WWOX: variants seen among roughly 807,000 people sequenced by gnomAD.
WWOX encodes the protein WW domain containing oxidoreductase, also known as WW domain-containing oxidoreductase.
In WWOX, 69 loss-of-function variants were observed where a neutral mutation model predicts 46.2. The observed-to-expected ratio is 1.49, with a 90% CI of 1.23 to 1.82. The LOEUF (loss-of-function observed/expected upper bound fraction) is 1.82. Among genes scored for constraint, WWOX ranks in the 40% most tolerant of loss-of-function variants. The probability of loss-of-function intolerance (pLI) is 0.00; values close to 1 mark genes in which losing one functional copy is unlikely to be tolerated. For missense variants in WWOX, 919 were observed against 542.6 expected, an observed-to-expected ratio of 1.69 and a Z score of -6.89; for synonymous variants, 359 against 202.6, an observed-to-expected ratio of 1.77 and a Z score of -6.56.
rs929174831 is a variant in WWOX, at chr16:79,022,884, C to T, written c.1057-188724C>T. On this transcript the variant is annotated intron_variant, in intron 8 of 8. Coordinates refer to ENST00000566780, the MANE Select transcript of WWOX (RefSeq NM_016373.4). ...ACTTTCTGGCTTTGTGACCTTTCTG[C>T]AGGTTACTTCTCTCCCCTGAGCATC... 1.5e-4 allele frequency among the ~76,000 whole-genome samples: 23 copies of T among 152,170 alleles called. 1 individual carries two copies. Among genetic ancestry groups the T allele is most frequent in the Admixed American group, 1.5e-3 (23 of 15,274 alleles).
intron 8 of WWOX, among the ~76,000 whole-genome samples, chr16:78,814,658 G>A (rs900803308): frequency 1.3e-5 from 2 of 152,162 alleles, no homozygotes; most frequent in African/African-American, 4.8e-5. Flanking sequence ...CTTAGACCTG[G>A]GAGAAACCAG....
intron 8 of WWOX, among the ~76,000 whole-genome samples, chr16:78,657,439 A>C (rs1442708792): frequency 1.3e-5 from 2 of 152,120 alleles, no homozygotes; most frequent in African/African-American, 4.8e-5. Context: ...AATATTGGAC[A>C]AGCTTGTCAG....
At chr16:78,696,130 G>A (rs2048093551) in intron 8 of WWOX, among the ~76,000 whole-genome samples, 1 of 152,200 alleles carries the variant, frequency 6.6e-6, no homozygotes, top group South Asian at 2.1e-4. Flanking sequence ...AAGCCACTAG[G>A]GGTGGGAATC....
intron 8 of WWOX, among the ~76,000 whole-genome samples, chr16:78,781,611 T>A (rs564260118): frequency 7.2e-5 from 11 of 152,314 alleles, no homozygotes; most frequent in African/African-American, 2.4e-4. Flanking sequence ...CCAAAAGTTA[T>A]TCAGTGTTTT....
intron 8 of WWOX, among the ~76,000 whole-genome samples, chr16:79,022,372 G>T (rs1351561782): frequency 1.5e-5 from 2 of 132,714 alleles, no homozygotes; most frequent in South Asian, 2.4e-4. Context: ...AAAAAGTCCC[G>T]CTTGTTATCA....
At chr16:78,375,031 C>A (rs1035413218) in intron 5 of WWOX, among the ~76,000 whole-genome samples, 3 of 152,170 alleles carry the variant, frequency 2.0e-5, no homozygotes, top group African/African-American at 7.2e-5. Flanking sequence ...CCATAAACCA[C>A]TGCGAGGCAG....
chr16:78,184,740 C>T (rs1417697678), intron 5 of WWOX, among the ~76,000 whole-genome samples: 2 of 152,104 alleles, frequency 1.3e-5, no homozygotes, highest in Non-Finnish European at 2.9e-5. Flanking sequence ...ACCGTAAAAG[C>T]AAGTCTGGGT....
At chr16:78,492,522 C>T (rs118101397) in intron 8 of WWOX, among the ~76,000 whole-genome samples, 2 of 152,258 alleles carry the variant, frequency 1.3e-5, no homozygotes, top group East Asian at 3.9e-4. Context: ...CATCTAGGAC[C>T]ATAACAGCGA....
At chr16:78,333,565 A>G (rs2080813793) in intron 5 of WWOX, among the ~76,000 whole-genome samples, 1 of 152,184 alleles carries the variant, frequency 6.6e-6, no homozygotes, top group Admixed American at 6.5e-5. Flanking sequence ...TCATATTTAT[A>G]GAATTCTGCT....
intron 8 of WWOX, among the ~76,000 whole-genome samples, chr16:79,090,948 A>G (rs1177608678): frequency 6.6e-6 from 1 of 152,134 alleles, no homozygotes; most frequent in East Asian, 1.9e-4. Flanking sequence ...CATTCATGCC[A>G]CCGCACCCAG....
intron 5 of WWOX, among the ~76,000 whole-genome samples, chr16:78,314,842 A>G (rs1286912589): frequency 6.6e-6 from 1 of 151,572 alleles, no homozygotes; most frequent in Non-Finnish European, 1.5e-5. Flanking sequence ...ATGAGCCATC[A>G]CGCCTGGTGA....
intron 8 of WWOX, among the ~76,000 whole-genome samples, chr16:78,815,590 A>C (rs1217181717): frequency 6.6e-6 from 1 of 152,140 alleles, no homozygotes; most frequent in African/African-American, 2.4e-5. Flanking sequence ...TGTCCTCCAA[A>C]ACACACATTT....
intron 8 of WWOX, among the ~76,000 whole-genome samples, chr16:78,607,846 T>G (rs1222383538): frequency 6.6e-6 from 1 of 151,990 alleles, no homozygotes; most frequent in Non-Finnish European, 1.5e-5. Context: ...TTCTATCGGG[T>G]ACAATAGGTA....
At chr16:78,372,364 C>T (rs1174111198) in intron 5 of WWOX, among the ~76,000 whole-genome samples, 1 of 152,132 alleles carries the variant, frequency 6.6e-6, no homozygotes, top group East Asian at 1.9e-4. Context: ...TGCCGTCTAC[C>T]CCCCTGCTGC....
chr16:78,688,910 G>A (rs1424735828), intron 8 of WWOX, among the ~76,000 whole-genome samples: 1 of 152,080 alleles, frequency 6.6e-6, no homozygotes, highest in Non-Finnish European at 1.5e-5. Context: ...GGTTTTATAC[G>A]ATGCTTTTCC....
rs989335857 is a variant in WWOX at position 78,630,283 on chromosome 16, C to A, written c.1056+197531C>A. On this transcript the variant is annotated intron_variant, in intron 8 of 8. Coordinates refer to ENST00000566780, the MANE Select transcript of WWOX (RefSeq NM_016373.4). Reference sequence around the variant, plus strand: ...AAAGAGTTAGTACAGCAGACTGTCGCAAGCTTGGCTCTTGGCTGCATCTGG... The same window carrying A: ...AAAGAGTTAGTACAGCAGACTGTCGAAAGCTTGGCTCTTGGCTGCATCTGG... 2.0e-5 allele frequency among the ~76,000 whole-genome samples: 3 copies of A among 152,284 alleles called. No homozygotes were observed. The East Asian group carries it at 5.8e-4, about 29-fold the overall frequency.
intron 6 of WWOX, among the ~76,000 whole-genome samples, chr16:78,418,180 G>GA (rs2082841412): frequency 6.6e-6 from 1 of 152,028 alleles, no homozygotes; most frequent in Non-Finnish European, 1.5e-5. Context: ...CTAACATGGT[G>GA]AAACCCCGTC....
At chr16:78,288,967 T>A (rs2079815458) in intron 5 of WWOX, among the ~76,000 whole-genome samples, 1 of 152,210 alleles carries the variant, frequency 6.6e-6, no homozygotes, top group Non-Finnish European at 1.5e-5. Flanking sequence ...TTGTTGAGTG[T>A]TGCCAAGCAA....
In WWOX at chr16:79,085,823, A is replaced by G. The variant is rs539892987; in HGVS notation, c.1057-125785A>G. On this transcript the variant is annotated intron_variant, in intron 8 of 8. Transcript: ENST00000566780. Reference sequence around the variant, plus strand: ...CACTTGCGGAAGCTGAGACTGGAGGATCACTTGAGGCCAGGAGTTCAAGTC... The same window carrying G: ...CACTTGCGGAAGCTGAGACTGGAGGGTCACTTGAGGCCAGGAGTTCAAGTC... Among the ~76,000 whole-genome samples, 72 of 152,256 alleles carry G rather than the reference A, an allele frequency of 4.7e-4. 2 individuals are homozygous for G. Among genetic ancestry groups the G allele is most frequent in the Admixed American group, 4.7e-3 (72 of 15,300 alleles).
Sources: gnomAD v4.1 joint callset for allele counts (sites outside exome capture counted in the v4.1 genomes callset) on GRCh38, gnomAD v4.1.1 for gene constraint, MANE v1.5 for transcripts, NCBI Gene and HGNC (gene_info 2026-07-23, HGNC 2026-07-21) for gene names.